The following SLC25A42 variants were observed in gnomAD, a reference collection of about 807,000 sequenced individuals.
SLC25A42 encodes the protein mitochondrial coenzyme A transporter SLC25A42.
A neutral mutation model predicts 34.7 loss-of-function variants in SLC25A42; 19 were observed. The observed-to-expected ratio is 0.55, with a 90% CI of 0.38 to 0.80. The LOEUF (loss-of-function observed/expected upper bound fraction) is 0.80. Ranked by LOEUF, SLC25A42 falls within the 30% of genes least tolerant of loss-of-function variation. The probability of loss-of-function intolerance (pLI) is 0.00; values close to 1 mark genes in which losing one functional copy is unlikely to be tolerated. For missense variants in SLC25A42, 364 were observed against 441.3 expected, an observed-to-expected ratio of 0.82 and a Z score of 1.57; for synonymous variants, 205 against 191.2, an observed-to-expected ratio of 1.07 and a Z score of -0.59.
intron 2 of SLC25A42, among the ~76,000 whole-genome samples, chr19:19,100,638 A>G (rs1218621437): frequency 6.6e-6 from 1 of 152,110 alleles, no homozygotes. Flanking sequence ...GTTCTTACAG[A>G]ACCCTGGGCC....
At chr19:19,078,530 G>A (rs543479826) in intron 1 of SLC25A42, among the ~76,000 whole-genome samples, 11 of 152,260 alleles carry the variant, frequency 7.2e-5, no homozygotes, top group African/African-American at 1.9e-4. Context: ...TTGCAGTACC[G>A]ATAGAGCCCG....
chr19:19,097,461 G>A (rs1599682531), intron 2 of SLC25A42, among the ~76,000 whole-genome samples: 1 of 152,246 alleles, frequency 6.6e-6, no homozygotes, highest in African/African-American at 2.4e-5. Context: ...GGTCTGCAAC[G>A]TGGATCCCAC....
In SLC25A42 at chr19:19,109,083, A is replaced by G. The variant is rs778348333; in HGVS notation, c.649+1038A>G. 6.6e-6 allele frequency among the ~76,000 whole-genome samples: 1 copy of G among 152,222 alleles called. No homozygotes were observed. The highest frequency in any genetic ancestry group is 1.5e-5 in the Non-Finnish European group (1 of 68,042). ...ATTTATCTGTGGCATGAACAAAACC[A>G]TGTCACCTTTCACAGGTATAAAAAA... On this transcript the variant is annotated intron_variant, in intron 7 of 7. Transcript: ENST00000318596. This position sits in a 1 kb window ranked among gnomAD's most constrained non-coding sequence, Gnocchi z 4.1.
At chr19:19,105,505 C>A (rs2059821120) in intron 4 of SLC25A42, 56 bp from the exon 5 acceptor site, 3 of 1,576,482 alleles carry the variant, frequency 1.9e-6, no homozygotes, top group Admixed American at 1.7e-5. Flanking sequence ...GTCACAGAGG[C>A]CCGCAGGGAG....
At chr19:19,070,636 C>T (rs923725381) in intron 1 of SLC25A42, among the ~76,000 whole-genome samples, 1 of 152,134 alleles carries the variant, frequency 6.6e-6, no homozygotes, top group Non-Finnish European at 1.5e-5. Flanking sequence ...GTTTAGGGCT[C>T]ACCCTAAATC....
rs565124786 is a variant in SLC25A42 at position 19,110,699 on chromosome 19, G to A, written c.780G>A (p.Thr260=). The part of the protein sequence containing the change: ...VRRRMQTAGV[T]GYPRASIART... The stretch of plus-strand genomic sequence containing the variant: ...GGCGCATGCAGACGGCCGGCGTCAC[G>A]GGCTACCCGCGCGCCTCCATCGCCC... The change falls in exon 8 of 8, where the codon ACG becomes ACA. Residue 260 remains threonine, a synonymous_variant. Transcript: ENST00000318596. 1.9e-6 allele frequency: 3 copies of A among 1,590,156 alleles called. No individual in the cohort carries two copies. The highest frequency in any genetic ancestry group is 4.7e-5 in the East Asian group (2 of 42,870).
At chr19:19,107,592 C>T (rs1478391922) in intron 6 of SLC25A42, among the ~76,000 whole-genome samples, 1 of 152,010 alleles carries the variant, frequency 6.6e-6, no homozygotes, top group Non-Finnish European at 1.5e-5. Context: ...GACTGTGACA[C>T]TACACTCCAG....
At chr19:19,073,552 A>G (rs1003618815) in intron 1 of SLC25A42, among the ~76,000 whole-genome samples, 4 of 151,478 alleles carry the variant, frequency 2.6e-5, no homozygotes, top group Non-Finnish European at 4.4e-5. Context: ...TTGCTGTGCC[A>G]GGTTCCGTGT....
At chr19:19,088,058 C>T (rs1316080623) in intron 1 of SLC25A42, among the ~76,000 whole-genome samples, 1 of 152,304 alleles carries the variant, frequency 6.6e-6, no homozygotes. Flanking sequence ...GTTTCCGGAG[C>T]TGGTTGCTGC....
intron 1 of SLC25A42, among the ~76,000 whole-genome samples, chr19:19,072,006 T>TTGAGGTGGTGA: frequency 6.6e-6 from 1 of 152,342 alleles, no homozygotes; most frequent in East Asian, 1.9e-4. Context: ...CGACCCAGGA[T>TTGAGGTGGTGA]GAATGAGGGT....
rs1469755216 is a variant in SLC25A42 at position 19,111,540 on chromosome 19, G to A, written c.*664G>A. 6.5e-6 allele frequency: 1 copy of A among 153,164 alleles called. No homozygotes were observed. Among genetic ancestry groups the A allele is most frequent in the East Asian group, 1.9e-4 (1 of 5,194 alleles). The allele number at this position is 153,164 out of a possible 1,614,324, so 9.5% of individuals were successfully genotyped here. A position where few individuals can be genotyped will look rare whatever the true frequency, so the allele number is the denominator to read the frequency against. On this transcript the variant is annotated 3_prime_UTR_variant, in exon 8 of 8. Transcript: ENST00000318596. ...CCTGCAAGCAGCTGGGTCCCCAAGA[G>A]TGCATCTCCCCCTAGAGTTGCCTGC...
chr19:19,099,652 C>A (rs1013075151), intron 2 of SLC25A42, among the ~76,000 whole-genome samples: 2 of 152,144 alleles, frequency 1.3e-5, no homozygotes, highest in Non-Finnish European at 2.9e-5. Flanking sequence ...GAGTAGTGCG[C>A]CACATCCCTT....
chr19:19,086,123 G>A (rs1271920505), intron 1 of SLC25A42, among the ~76,000 whole-genome samples: 1 of 152,184 alleles, frequency 6.6e-6, no homozygotes, highest in African/African-American at 2.4e-5. Flanking sequence ...AGAAGCTGCT[G>A]GTTTTCTCCA....
At chr19:19,076,530 T>C (rs2059656776) in intron 1 of SLC25A42, among the ~76,000 whole-genome samples, 1 of 152,196 alleles carries the variant, frequency 6.6e-6, no homozygotes, top group Admixed American at 6.5e-5. Flanking sequence ...AAGAGCAAGC[T>C]GAACACGTCC....
chr19:19,096,002 G>GC (rs2059762681), intron 1 of SLC25A42, 89 bp from the exon 2 acceptor site: 1 of 862,440 alleles, frequency 1.2e-6, no homozygotes, highest in Admixed American at 2.0e-5. Context: ...CACGCAGGGA[G>GC]CCAGAAACTG....
At chr19:19,099,136 A>G (rs192100353) in intron 2 of SLC25A42, among the ~76,000 whole-genome samples, 128 of 152,304 alleles carry the variant, frequency 8.4e-4, no homozygotes, top group Admixed American at 1.4e-3. Flanking sequence ...GGGACCACCA[A>G]CAAGCGCCCG....
intron 6 of SLC25A42, 54 bp from the exon 7 acceptor site, chr19:19,107,840 T>C (rs1599692350): frequency 3.7e-6 from 6 of 1,607,998 alleles, no homozygotes; most frequent in Non-Finnish European, 8.5e-7. Context: ...CTGTGGCTCC[T>C]CCCTGTGCCT....
intron 1 of SLC25A42, among the ~76,000 whole-genome samples, chr19:19,076,175 A>G (rs1425789916): frequency 1.3e-5 from 2 of 152,158 alleles, no homozygotes; most frequent in Non-Finnish European, 2.9e-5. Context: ...ATCAACAGGT[A>G]TTCTCGGCCA....
intron 1 of SLC25A42, among the ~76,000 whole-genome samples, chr19:19,089,354 C>T (rs2059725461): frequency 6.6e-6 from 1 of 151,752 alleles, no homozygotes; most frequent in African/African-American, 2.4e-5. Context: ...GGTGAAACCC[C>T]ATCTCTAGTA....
Sources: allele counts gnomAD v4.1 joint callset (sites outside exome capture counted in the v4.1 genomes callset), GRCh38; gene constraint gnomAD v4.1.1; non-coding constraint Gnocchi (gnomAD v3.1); transcripts MANE v1.5; gene names NCBI Gene and HGNC (gene_info 2026-07-23, HGNC 2026-07-21).